SGCZ: variants seen among roughly 807,000 people sequenced by gnomAD.
SGCZ encodes the protein sarcoglycan zeta, also known as zeta-sarcoglycan.
Under a neutral mutation model 41.3 loss-of-function variants are expected in SGCZ, and 40 were observed. The observed-to-expected ratio is 0.97, with a 90% CI of 0.75 to 1.26. SGCZ has a LOEUF of 1.26. Among genes scored for constraint, SGCZ ranks in the 50% most tolerant of loss-of-function variants. The pLI is 0.00. For synonymous variants in SGCZ, 206 were observed against 137.5 expected (o/e 1.50, Z -3.49); for missense variants, 552 against 369.8 (o/e 1.49, Z -4.04).
chr8:14,202,188 G>A (rs1805476388), intron 4 of SGCZ, among the ~76,000 whole-genome samples: 1 of 152,156 alleles, frequency 6.6e-6, no homozygotes, highest in African/African-American at 2.4e-5. Context: ...TTAGAGTGAT[G>A]AAATGCAAAA....
chr8:14,564,407 T>C (rs78595718), intron 1 of SGCZ, among the ~76,000 whole-genome samples: 2,461 of 152,320 alleles, frequency 0.016, 67 homozygotes, highest in African/African-American at 0.057. Flanking sequence ...AGTCCTAGAC[T>C]TACTGAGTTC....
At chr8:14,103,498 G>T (rs1802100180) in intron 6 of SGCZ, among the ~76,000 whole-genome samples, 1 of 152,146 alleles carries the variant, frequency 6.6e-6, no homozygotes, top group Non-Finnish European at 1.5e-5. Flanking sequence ...CTGAGGCAAT[G>T]AATTCAGAGT....
intron 1 of SGCZ, among the ~76,000 whole-genome samples, chr8:14,710,348 C>A (rs1250482333): frequency 8.1e-6 from 1 of 123,864 alleles, no homozygotes; most frequent in African/African-American, 3.1e-5. Flanking sequence ...CCAGCCTGGG[C>A]GACAGAGCGA....
At chr8:14,173,261 A>T (rs886389709) in intron 4 of SGCZ, among the ~76,000 whole-genome samples, 3 of 152,048 alleles carry the variant, frequency 2.0e-5, no homozygotes, top group Admixed American at 2.0e-4. Flanking sequence ...CCAGGAGAAA[A>T]ATCAGCAATA....
intron 2 of SGCZ, among the ~76,000 whole-genome samples, chr8:14,428,510 G>A (rs1360719839): frequency 6.6e-6 from 1 of 152,124 alleles, no homozygotes; most frequent in Non-Finnish European, 1.5e-5. Flanking sequence ...AGAGTTGTAT[G>A]TATGCAACAT....
intron 1 of SGCZ, among the ~76,000 whole-genome samples, chr8:15,221,067 A>C (rs959118862): frequency 1.3e-5 from 2 of 152,168 alleles, no homozygotes; most frequent in African/African-American, 2.4e-5. Flanking sequence ...AATGTAAAGG[A>C]CAAGTTAATG....
Position 14,338,573 on chromosome 8 carries a change from G to A in SGCZ, c.235-14369C>T, listed in dbSNP as rs545537269. On this transcript the variant is annotated intron_variant, in intron 2 of 7. Coordinates refer to ENST00000382080, the MANE Select transcript of SGCZ (RefSeq NM_139167.4). ...GCTCCATCCTGCTCCCTGATGGAAT[G>A]TTATTCTCTTGTTTATTGAGGAATA... 8.5e-5 allele frequency among the ~76,000 whole-genome samples: 13 copies of A among 152,178 alleles called. 1 individual carries two copies. The highest frequency in any genetic ancestry group is 2.4e-4 in the African/African-American group (10 of 41,534).
At chr8:15,184,110 T>A (rs1487784079) in intron 1 of SGCZ, among the ~76,000 whole-genome samples, 1 of 152,234 alleles carries the variant, frequency 6.6e-6, no homozygotes, top group Non-Finnish European at 1.5e-5. Context: ...ACATTTTCTG[T>A]AACTTCTGCA....
intron 1 of SGCZ, among the ~76,000 whole-genome samples, chr8:14,607,096 T>C (rs1463141410): frequency 6.6e-6 from 1 of 152,134 alleles, no homozygotes; most frequent in East Asian, 1.9e-4. Context: ...CTGTGCCTGG[T>C]CCTCAGTTTT....
At chr8:14,378,828 ACT>A (rs1383425007) in intron 2 of SGCZ, among the ~76,000 whole-genome samples, 1 of 152,080 alleles carries the variant, frequency 6.6e-6, no homozygotes, top group Non-Finnish European at 1.5e-5. Context: ...GTGGGAATAA[ACT>A]CTGCACACTG....
chr8:14,663,538 A>C (rs976954823), intron 1 of SGCZ, among the ~76,000 whole-genome samples: 1 of 152,112 alleles, frequency 6.6e-6, no homozygotes, highest in African/African-American at 2.4e-5. Context: ...CCTATCTGTA[A>C]ATGAAAATAA....
chr8:14,704,538 A>T (rs1303189562), intron 1 of SGCZ, among the ~76,000 whole-genome samples: 1 of 152,004 alleles, frequency 6.6e-6, no homozygotes, highest in Admixed American at 6.6e-5. Flanking sequence ...TTTCAGAATC[A>T]TGTACTTTGA....
At chr8:14,477,499 A>G (rs924812095) in intron 2 of SGCZ, among the ~76,000 whole-genome samples, 2 of 152,088 alleles carry the variant, frequency 1.3e-5, no homozygotes, top group African/African-American at 4.8e-5. Context: ...GAAATACCAC[A>G]ATTGTCTTAT....
At chr8:14,721,958 G>T (rs1423615311) in intron 1 of SGCZ, among the ~76,000 whole-genome samples, 1 of 151,890 alleles carries the variant, frequency 6.6e-6, no homozygotes, top group South Asian at 2.1e-4. Context: ...TTTCTCACTG[G>T]CCCTTCTGCC....
chr8:14,947,786 G>C (rs974543239), intron 1 of SGCZ, among the ~76,000 whole-genome samples: 7 of 152,138 alleles, frequency 4.6e-5, no homozygotes, highest in Non-Finnish European at 2.9e-5. Flanking sequence ...ATCTCGTTCA[G>C]TATAACTTTG....
intron 1 of SGCZ, among the ~76,000 whole-genome samples, chr8:14,931,709 G>C (rs1799926783): frequency 6.6e-6 from 1 of 152,002 alleles, no homozygotes; most frequent in Non-Finnish European, 1.5e-5. Flanking sequence ...TATAGTACTT[G>C]ACATTCTTTC....
intron 1 of SGCZ, among the ~76,000 whole-genome samples, chr8:14,904,593 T>C (rs1799070151): frequency 6.6e-6 from 1 of 152,022 alleles, no homozygotes; most frequent in Non-Finnish European, 1.5e-5. Flanking sequence ...CATATCCAAA[T>C]TAAATTCATG....
intron 2 of SGCZ, among the ~76,000 whole-genome samples, chr8:14,516,059 T>C (rs893951654): frequency 4.6e-5 from 7 of 152,012 alleles, no homozygotes; most frequent in Non-Finnish European, 1.0e-4. Context: ...TTAGACATAG[T>C]GTGGACTGAT....
At chr8:14,351,311 ATTAACTG>A (rs1157213871) in intron 2 of SGCZ, among the ~76,000 whole-genome samples, 5 of 152,044 alleles carry the variant, frequency 3.3e-5, no homozygotes, top group Admixed American at 6.6e-5. Context: ...ACTCCTTTGC[ATTAACTG>A]TTAGAAAATT....
Sources: gnomAD v4.1 joint callset for allele counts (sites outside exome capture counted in the v4.1 genomes callset) on GRCh38, gnomAD v4.1.1 for gene constraint, MANE v1.5 for transcripts, NCBI Gene and HGNC (gene_info 2026-07-23, HGNC 2026-07-21) for gene names.